SEZ6L: variants seen among roughly 807,000 people sequenced by gnomAD.
The protein encoded by SEZ6L is seizure related 6 homolog like, also known as seizure 6-like protein.
A neutral mutation model predicts 106.2 loss-of-function variants in SEZ6L; 37 were observed. The observed-to-expected ratio is 0.35, with a 90% CI of 0.27 to 0.46. SEZ6L has a LOEUF of 0.46. SEZ6L is among the 20% of genes least tolerant of loss of function. The probability of loss-of-function intolerance (pLI) is 1.00; values close to 1 mark genes in which losing one functional copy is unlikely to be tolerated. For missense variants in SEZ6L, 1,172 were observed against 1,332.8 expected (o/e 0.88, Z 1.88); for synonymous variants, 541 against 570.4 (o/e 0.95, Z 0.73).
In SEZ6L at chr22:26,219,418, G is replaced by A. The variant is rs187377784; in HGVS notation, c.94+49655G>A. ...ACAAAATCTGTTTTATATATAGACA[G>A]TTTGAAAGAATCAAGAAATTAGAAA... On this transcript the variant is annotated intron_variant, in intron 1 of 16. Coordinates refer to ENST00000248933, the MANE Select transcript of SEZ6L (RefSeq NM_021115.5). Among the ~76,000 whole-genome samples, 429 of 152,074 alleles carry A rather than the reference G, an allele frequency of 2.8e-3. 3 individuals carry two copies. Among genetic ancestry groups the A allele is most frequent in the African/African-American group, 9.5e-3 (396 of 41,498 alleles).
chr22:26,236,306 CG>C (rs1569406605), intron 1 of SEZ6L, among the ~76,000 whole-genome samples: 2 of 152,180 alleles, frequency 1.3e-5, no homozygotes, highest in Non-Finnish European at 1.5e-5. Flanking sequence ...AGAGGGGGAC[CG>C]ACCCTCTAAT....
chr22:26,251,629 C>T (rs375667274), intron 1 of SEZ6L, among the ~76,000 whole-genome samples: 1 of 152,164 alleles, frequency 6.6e-6, no homozygotes, highest in Non-Finnish European at 1.5e-5. Context: ...TCTTGGTTAG[C>T]TTAGGGCTGC....
At chr22:26,278,109 C>T (rs1164921497) in intron 1 of SEZ6L, among the ~76,000 whole-genome samples, 1 of 152,022 alleles carries the variant, frequency 6.6e-6, no homozygotes, top group Non-Finnish European at 1.5e-5. Context: ...TCACCAGGAA[C>T]CTTCCAGGGA....
At chr22:26,232,166 C>G (rs1049639036) in intron 1 of SEZ6L, among the ~76,000 whole-genome samples, 2 of 152,078 alleles carry the variant, frequency 1.3e-5, no homozygotes, top group African/African-American at 4.8e-5. Context: ...ACCTAGTGAG[C>G]ACTCATTCAA....
At chr22:26,326,300 C>T (rs376358242) in intron 9 of SEZ6L, among the ~76,000 whole-genome samples, 48 of 152,304 alleles carry the variant, frequency 3.2e-4, no homozygotes, top group African/African-American at 1.0e-3. Flanking sequence ...TAGGGAGACA[C>T]GACTGCTTGT....
rs185722030 is a variant in SEZ6L, at chr22:26,309,410, C to T, written c.1515-1260C>T. Among the ~76,000 whole-genome samples, 8 of 152,294 alleles carry T rather than the reference C, an allele frequency of 5.3e-5. No individual in the cohort carries two copies. The East Asian group carries it at 1.5e-3, about 29-fold the overall frequency. On this transcript the variant is annotated intron_variant, in intron 6 of 16. Transcript: ENST00000248933. ...GGGTCTCTCCTTTCACAGTTGAGGA[C>T]ACTGAGGCTGAAAGGTGTTTTAAGA... is the stretch of plus-strand genomic sequence containing the variant.
At chr22:26,204,504 G>A (rs1465736959) in intron 1 of SEZ6L, among the ~76,000 whole-genome samples, 1 of 152,232 alleles carries the variant, frequency 6.6e-6, no homozygotes, top group East Asian at 1.9e-4. Flanking sequence ...GAGGCTAGAA[G>A]AGGTTAAGGA....
In SEZ6L at chr22:26,351,214, T is replaced by A. The variant is rs1316451236; in HGVS notation, c.2570T>A (p.Ile857Asn). ...TCYSRETGTP[I>N]WTSRLPHCVS... ...TACAGCCGTGAAACAGGGACTCCCA[T>A]CTGGACGTCTCGCCTGCCCCACTGC... Residue 857 changes from isoleucine to asparagine, a missense_variant, in exon 12 of 17, where the codon ATC becomes AAC. Transcript: ENST00000248933. The A allele has an allele frequency of 4.3e-6, 7 of 1,614,006 alleles. No homozygotes were observed. Among genetic ancestry groups the A allele is most frequent in the African/African-American group, 1.3e-5 (1 of 74,942 alleles).
intron 14 of SEZ6L, among the ~76,000 whole-genome samples, chr22:26,374,682 T>C (rs1221403313): frequency 1.3e-5 from 2 of 152,218 alleles, no homozygotes; most frequent in East Asian, 1.9e-4. Flanking sequence ...TAATGGGTTA[T>C]AGATTGGTGT....
At chr22:26,277,993 G>A (rs931499673) in intron 1 of SEZ6L, among the ~76,000 whole-genome samples, 3 of 152,232 alleles carry the variant, frequency 2.0e-5, no homozygotes, top group Non-Finnish European at 4.4e-5. Context: ...TTAGAAGAGA[G>A]GGAAAGAGAG....
intron 5 of SEZ6L, among the ~76,000 whole-genome samples, chr22:26,300,546 G>A (rs1369016729): frequency 6.6e-6 from 1 of 152,230 alleles, no homozygotes; most frequent in African/African-American, 2.4e-5. Context: ...TCTTAAACCA[G>A]TCTATCATTG....
At chr22:26,317,306 C>G (rs2082033473) in intron 9 of SEZ6L, among the ~76,000 whole-genome samples, 1 of 152,046 alleles carries the variant, frequency 6.6e-6, no homozygotes, top group Non-Finnish European at 1.5e-5. Context: ...ACCAGGAAAA[C>G]TACCTGTCTT....
At chr22:26,274,652 C>T (rs1456181176) in intron 1 of SEZ6L, among the ~76,000 whole-genome samples, 4 of 152,160 alleles carry the variant, frequency 2.6e-5, no homozygotes, top group African/African-American at 9.7e-5. Context: ...AGGTTTATTA[C>T]AGGGAGAGGA....
chr22:26,283,069 G>A (rs1556305369), intron 1 of SEZ6L, among the ~76,000 whole-genome samples: 1 of 151,988 alleles, frequency 6.6e-6, no homozygotes, highest in Non-Finnish European at 1.5e-5. Context: ...TACTACAGGT[G>A]TGCCGCCACA....
chr22:26,198,496 T>G (rs1158304591), intron 1 of SEZ6L, among the ~76,000 whole-genome samples: 1 of 152,198 alleles, frequency 6.6e-6, no homozygotes, highest in Admixed American at 6.5e-5. Context: ...AGGAAGTATC[T>G]TGGTTAGTTT....
chr22:26,368,761 T>A (rs2146066951), intron 13 of SEZ6L, among the ~76,000 whole-genome samples: 1 of 148,530 alleles, frequency 6.7e-6, no homozygotes, highest in Non-Finnish European at 1.5e-5. Flanking sequence ...AAAAAACAAT[T>A]CCCCTGAATC....
In SEZ6L at chr22:26,169,723, C is replaced by T. The variant is rs911999984; in HGVS notation, c.54C>T (p.Leu18=). 27 of 1,288,538 alleles carry T rather than the reference C, an allele frequency of 2.1e-5. 1 individual carries two copies. The South Asian group carries it at 6.1e-4, about 29-fold the overall frequency. The allele number at this position is 1,288,538 out of a possible 1,614,324, so 79.8% of individuals were successfully genotyped here. ...AAGLRGISLF[L]ALLLGSPAAA... ...GACTCCGCGGGATCTCGCTGTTCCTCGCTCTGCTCCTGGGGAGCCCGGCGG... is the reference window on the plus strand; with the variant it reads ...GACTCCGCGGGATCTCGCTGTTCCTTGCTCTGCTCCTGGGGAGCCCGGCGG... The change falls in exon 1 of 17, where the codon CTC becomes CTT. Residue 18 remains leucine (L), a synonymous_variant. Coordinates refer to ENST00000248933, the MANE Select transcript of SEZ6L (RefSeq NM_021115.5).
intron 9 of SEZ6L, among the ~76,000 whole-genome samples, chr22:26,331,333 T>A (rs1269290168): frequency 6.6e-6 from 1 of 152,212 alleles, no homozygotes; most frequent in Non-Finnish European, 1.5e-5. Context: ...TTTTTATCCT[T>A]TTTGAAGAGG....
chr22:26,267,705 G>C (rs1254941903), intron 1 of SEZ6L, among the ~76,000 whole-genome samples: 8 of 152,158 alleles, frequency 5.3e-5, no homozygotes, highest in African/African-American at 1.7e-4. Flanking sequence ...AATTTTTGAG[G>C]CGTATTTCTC....
Sources: gnomAD v4.1 joint callset for allele counts (sites outside exome capture counted in the v4.1 genomes callset) on GRCh38, gnomAD v4.1.1 for gene constraint, MANE v1.5 for transcripts, NCBI Gene and HGNC (gene_info 2026-07-23, HGNC 2026-07-21) for gene names.